Variants in OSBPL1A observed in about 807,000 individuals in gnomAD.
OSBPL1A encodes oxysterol-binding protein-related protein 1.
Under a neutral mutation model 137.1 loss-of-function variants are expected in OSBPL1A, and 80 were observed. The ratio of observed to expected loss-of-function variants is 0.58; its 90% confidence interval spans 0.49 to 0.70. The LOEUF (loss-of-function observed/expected upper bound fraction) is 0.70, where lower values mean the gene tolerates loss of function less well. OSBPL1A is among the 30% of genes least tolerant of loss of function. The pLI is 0.00. For missense variants in OSBPL1A, 970 were observed against 1,129.4 expected (o/e 0.86, Z 2.02); for synonymous variants, 365 against 389.7 (o/e 0.94, Z 0.75).
At chr18:24,311,602 C>T in intron 13 of OSBPL1A, 1 of 616,652 alleles carries the variant, frequency 1.6e-6, no homozygotes, top group Non-Finnish European at 2.1e-6. Flanking sequence ...AAAGGTATCA[C>T]TATGGTTGCA....
intron 1 of OSBPL1A, among the ~76,000 whole-genome samples, chr18:24,388,663 G>A (rs1408558241): frequency 1.3e-5 from 2 of 151,968 alleles, no homozygotes; most frequent in East Asian, 3.9e-4. Flanking sequence ...AGCCAGGCGT[G>A]GTGATGGGCA....
At chr18:24,352,854 G>A (rs1488341269) in intron 4 of OSBPL1A, among the ~76,000 whole-genome samples, 1 of 152,084 alleles carries the variant, frequency 6.6e-6, no homozygotes, top group Non-Finnish European at 1.5e-5. Context: ...GGGAAAACTG[G>A]CTAGCCATAT....
intron 4 of OSBPL1A, among the ~76,000 whole-genome samples, chr18:24,348,217 A>G (rs1404149483): frequency 6.6e-6 from 1 of 152,236 alleles, no homozygotes; most frequent in Admixed American, 6.5e-5. Flanking sequence ...ATAATATATT[A>G]GTTCTTTCCT....
chr18:24,228,304 C>G (rs1322314690), intron 16 of OSBPL1A, among the ~76,000 whole-genome samples: 1 of 151,622 alleles, frequency 6.6e-6, no homozygotes, highest in East Asian at 1.9e-4. Flanking sequence ...CCCTCACCCC[C>G]CTCCTTACTC....
At chr18:24,165,411 T>G (rs1421068049) in intron 26 of OSBPL1A, among the ~76,000 whole-genome samples, 1 of 152,174 alleles carries the variant, frequency 6.6e-6, no homozygotes, top group Admixed American at 6.5e-5. Flanking sequence ...ACAACGTGTT[T>G]ATTCTTAAGG....
intron 5 of OSBPL1A, among the ~76,000 whole-genome samples, chr18:24,337,545 T>C (rs2091197049): frequency 7.1e-6 from 1 of 140,806 alleles, no homozygotes; most frequent in Admixed American, 7.4e-5. Context: ...CACTCCAGCC[T>C]GGGTGACAGA....
chr18:24,197,407 T>C (rs1380129114), intron 17 of OSBPL1A, among the ~76,000 whole-genome samples: 1 of 152,204 alleles, frequency 6.6e-6, no homozygotes, highest in African/African-American at 2.4e-5. Context: ...AATACATCCA[T>C]GTAGCTAAAA....
chr18:24,282,206 C>A (rs1355541120), intron 14 of OSBPL1A, among the ~76,000 whole-genome samples: 1 of 150,896 alleles, frequency 6.6e-6, no homozygotes, highest in Non-Finnish European at 1.5e-5. Context: ...AGGAATTAAA[C>A]AACAGGGTAA....
At chr18:24,357,985 A>T (rs1433028457) in intron 4 of OSBPL1A, 1 of 158,168 alleles carries the variant, frequency 6.3e-6, no homozygotes, top group African/African-American at 2.4e-5. Flanking sequence ...CTGCCTGAAC[A>T]TTGGGGTCCT....
chr18:24,165,037 A>C, intron 27 of OSBPL1A, 28 bp downstream of exon 27: 2 of 1,611,534 alleles, frequency 1.2e-6, no homozygotes, highest in South Asian at 1.1e-5. Context: ...CTGAGGGCTC[A>C]GCCACACCCC....
chr18:24,298,304 G>A (rs1449000483), intron 14 of OSBPL1A, among the ~76,000 whole-genome samples: 1 of 152,160 alleles, frequency 6.6e-6, no homozygotes, highest in Non-Finnish European at 1.5e-5. Flanking sequence ...TGGAGTAGCT[G>A]TTCTTTTATT....
chr18:24,242,754 G>A (rs1045752609), intron 15 of OSBPL1A, among the ~76,000 whole-genome samples: 12 of 152,098 alleles, frequency 7.9e-5, no homozygotes, highest in South Asian at 4.2e-4. Context: ...AATAAAAATC[G>A]CAATAAATGG....
At chr18:24,295,761 C>T (rs1039520098) in intron 14 of OSBPL1A, among the ~76,000 whole-genome samples, 1 of 151,926 alleles carries the variant, frequency 6.6e-6, no homozygotes, top group African/African-American at 2.4e-5. Flanking sequence ...GTCCTTTCCC[C>T]AATTTATGTT....
At chr18:24,362,347 T>A (rs1321847388) in intron 4 of OSBPL1A, among the ~76,000 whole-genome samples, 1 of 152,132 alleles carries the variant, frequency 6.6e-6, no homozygotes, top group East Asian at 1.9e-4. Context: ...CCACAACCTT[T>A]ATTGTTTATT....
chr18:24,395,100 T>C (rs1907645961), intron 1 of OSBPL1A, among the ~76,000 whole-genome samples: 2 of 152,230 alleles, frequency 1.3e-5, no homozygotes, highest in Admixed American at 1.3e-4. Flanking sequence ...TGTCTTTTCT[T>C]AAACTTCATG....
intron 15 of OSBPL1A, among the ~76,000 whole-genome samples, chr18:24,239,925 CTTTT>C (rs10699940): frequency 1.5e-4 from 19 of 125,610 alleles, no homozygotes; most frequent in South Asian, 9.8e-4. Flanking sequence ...TCATTTTTCT[CTTTT>C]TTTTTTTTTT....
At chr18:24,321,626 C>T (rs2090859961) in intron 7 of OSBPL1A, 6 of 488,704 alleles carry the variant, frequency 1.2e-5, no homozygotes, top group South Asian at 3.1e-5. Flanking sequence ...TCTATGAGGA[C>T]GTGGCCCCAC....
At chr18:24,385,568 C>A (rs996928062) in intron 1 of OSBPL1A, among the ~76,000 whole-genome samples, 1 of 152,014 alleles carries the variant, frequency 6.6e-6, no homozygotes, top group African/African-American at 2.4e-5. Flanking sequence ...AGAGGGGACA[C>A]AGAAGAGGGT....
At chr18:24,393,066 G>C (rs904773622) in intron 1 of OSBPL1A, among the ~76,000 whole-genome samples, 5 of 152,018 alleles carry the variant, frequency 3.3e-5, no homozygotes, top group Non-Finnish European at 7.4e-5. Context: ...AAAGATTAAA[G>C]TAACTACATA....
Sources: allele counts gnomAD v4.1 joint callset (sites outside exome capture counted in the v4.1 genomes callset), GRCh38; gene constraint gnomAD v4.1.1; transcripts MANE v1.5; gene names NCBI Gene and HGNC (gene_info 2026-07-23, HGNC 2026-07-21).